Variants in LRRTM4 observed in about 807,000 individuals in gnomAD.
The protein encoded by LRRTM4 is leucine-rich repeat transmembrane neuronal protein 4.
Under a neutral mutation model 47.6 loss-of-function variants are expected in LRRTM4, and 25 were observed. The ratio of observed to expected loss-of-function variants is 0.53; its 90% CI spans 0.38 to 0.73. The LOEUF is 0.73. Ranked by LOEUF, LRRTM4 falls within the 30% of genes least tolerant of loss-of-function variation. The pLI, the probability that LRRTM4 is intolerant of heterozygous loss-of-function variation, is 0.00. For synonymous variants in LRRTM4, 311 were observed against 269.5 expected (o/e 1.15, Z -1.51); for missense variants, 638 against 713.4 (o/e 0.89, Z 1.20).
At chr2:76,952,170 G>A (rs1282877978) in intron 3 of LRRTM4, among the ~76,000 whole-genome samples, 1 of 151,830 alleles carries the variant, frequency 6.6e-6, no homozygotes, top group Non-Finnish European at 1.5e-5. Flanking sequence ...GGTTTTCTAG[G>A]TATAGGATCA....
chr2:77,185,076 C>T (rs192861133), intron 3 of LRRTM4, among the ~76,000 whole-genome samples: 1 of 152,260 alleles, frequency 6.6e-6, no homozygotes, highest in East Asian at 1.9e-4. Flanking sequence ...CTTTACCCAT[C>T]ACCATCACTC....
intron 3 of LRRTM4, among the ~76,000 whole-genome samples, chr2:77,357,284 A>C (rs1411052203): frequency 1.3e-5 from 2 of 152,184 alleles, no homozygotes; most frequent in African/African-American, 4.8e-5. Flanking sequence ...GTCTTACAAA[A>C]AGATGTCATT....
At chr2:76,750,665 A>T in intron 3 of LRRTM4, among the ~76,000 whole-genome samples, 1 of 152,150 alleles carries the variant, frequency 6.6e-6, no homozygotes, top group East Asian at 1.9e-4. Flanking sequence ...TCTTAAATAT[A>T]ATTCAGCAAA....
chr2:77,339,732 G>A (rs1463092197), intron 3 of LRRTM4, among the ~76,000 whole-genome samples: 4 of 151,958 alleles, frequency 2.6e-5, no homozygotes, highest in Admixed American at 2.6e-4. Context: ...AAGATGGAAG[G>A]TAAGAGGAAG....
chr2:76,766,701 C>G (rs1673470009), intron 3 of LRRTM4, among the ~76,000 whole-genome samples: 1 of 152,166 alleles, frequency 6.6e-6, no homozygotes, highest in Non-Finnish European at 1.5e-5. Context: ...TAACTGGTTT[C>G]TGCTACAGCA....
chr2:77,499,914 A>G (rs1301963322), intron 3 of LRRTM4, among the ~76,000 whole-genome samples: 1 of 151,762 alleles, frequency 6.6e-6, no homozygotes, highest in African/African-American at 2.4e-5. Flanking sequence ...CTTAAAGTAT[A>G]TGGTTACTTT....
At chr2:76,864,162 A>G (rs1434892681) in intron 3 of LRRTM4, among the ~76,000 whole-genome samples, 1 of 150,166 alleles carries the variant, frequency 6.7e-6, no homozygotes, top group East Asian at 2.1e-4. Context: ...ATGTGACCAT[A>G]TGGAACAAGA....
At chr2:77,005,615 C>T (rs1046819923) in intron 3 of LRRTM4, among the ~76,000 whole-genome samples, 5 of 152,132 alleles carry the variant, frequency 3.3e-5, no homozygotes, top group African/African-American at 9.7e-5. Context: ...TTTTCTTGTG[C>T]TTTTGTCATG....
chr2:76,990,590 G>A, intron 3 of LRRTM4, among the ~76,000 whole-genome samples: 1 of 151,766 alleles, frequency 6.6e-6, no homozygotes. Flanking sequence ...AATTTAACAA[G>A]AAGACTTAAC....
intron 3 of LRRTM4, among the ~76,000 whole-genome samples, chr2:77,282,420 C>A (rs994334672): frequency 6.6e-6 from 1 of 151,496 alleles, no homozygotes; most frequent in Non-Finnish European, 1.5e-5. Flanking sequence ...CCCATTTGGA[C>A]GCCTTTTATT....
rs945653183 is a variant in LRRTM4, at chr2:77,079,229, T to G, written c.1552-330313A>C. On this transcript the variant is annotated intron_variant, in intron 3 of 3. Coordinates refer to ENST00000409884, the MANE Select transcript of LRRTM4 (RefSeq NM_001134745.3). Reference sequence around the variant, plus strand: ...CTTTATGACTATTTAACATTTCAACTTTTTTTATGGAGTTAAAGCTAAGGG... The same window carrying G: ...CTTTATGACTATTTAACATTTCAACGTTTTTTATGGAGTTAAAGCTAAGGG... Among the ~76,000 whole-genome samples, 3 of 152,182 alleles carry G rather than the reference T, an allele frequency of 2.0e-5. No individual in the cohort carries two copies. The East Asian group carries it at 5.8e-4, about 29-fold the overall frequency.
chr2:77,055,261 C>G (rs1241738787), intron 3 of LRRTM4, among the ~76,000 whole-genome samples: 2 of 152,204 alleles, frequency 1.3e-5, no homozygotes, highest in Admixed American at 1.3e-4. Flanking sequence ...GAAACATCCT[C>G]TTCTCTGTGA....
Position 76,770,496 on chromosome 2 carries a change from T to C in LRRTM4, c.1552-21580A>G, listed in dbSNP as rs906837065. 6.6e-5 allele frequency among the ~76,000 whole-genome samples: 10 copies of C among 152,304 alleles called. No individual in the cohort carries two copies. The East Asian group carries it at 1.9e-3, about 29-fold the overall frequency. On this transcript the variant is annotated intron_variant, in intron 3 of 3. Transcript: ENST00000409884. Reference sequence around the variant, plus strand: ...TACCTATGTAACCCCCAGCCACCTATATCTGCAACACAGTTGATATCAAAT... The same window carrying C: ...TACCTATGTAACCCCCAGCCACCTACATCTGCAACACAGTTGATATCAAAT...
At chr2:76,953,347 G>A (rs971576233) in intron 3 of LRRTM4, among the ~76,000 whole-genome samples, 1 of 151,804 alleles carries the variant, frequency 6.6e-6, no homozygotes, top group African/African-American at 2.4e-5. Flanking sequence ...GTCAGGAAGT[G>A]GCAGTACTCC....
rs577057742 is a variant in LRRTM4, at chr2:77,137,427, G to C, written c.1551+380891C>G. Among the ~76,000 whole-genome samples the C allele has an allele frequency of 1.1e-4, 16 of 151,814 alleles. 2 individuals carry two copies. Among genetic ancestry groups the C allele is most frequent in the African/African-American group, 3.1e-4 (13 of 41,310 alleles). The stretch of plus-strand genomic sequence containing the variant: ...TCCTTTACAGAAGAGCAAATGCTGA[G>C]AGATTTTGTCACCACCAGGCCTGCC... On this transcript the variant is annotated intron_variant, in intron 3 of 3. Transcript: ENST00000409884.
chr2:77,086,223 T>C (rs73940296), intron 3 of LRRTM4, among the ~76,000 whole-genome samples: 1 of 151,880 alleles, frequency 6.6e-6, no homozygotes, highest in Non-Finnish European at 1.5e-5. Flanking sequence ...AAGTAGAAAC[T>C]GTTATGTTTA....
intron 3 of LRRTM4, among the ~76,000 whole-genome samples, chr2:77,321,805 G>A (rs1677801212): frequency 6.6e-6 from 1 of 152,018 alleles, no homozygotes; most frequent in South Asian, 2.1e-4. Flanking sequence ...CAAAAATATG[G>A]CAAGGTATTA....
intron 3 of LRRTM4, among the ~76,000 whole-genome samples, chr2:77,172,152 T>C (rs1215934537): frequency 2.0e-5 from 3 of 152,172 alleles, no homozygotes; most frequent in Admixed American, 6.6e-5. Context: ...AAATAAGCCA[T>C]AAATATAAGA....
Position 76,854,333 on chromosome 2 carries a change from G to A in LRRTM4, c.1552-105417C>T, listed in dbSNP as rs922445376. Among the ~76,000 whole-genome samples, 53 of 152,100 alleles carry A rather than the reference G, an allele frequency of 3.5e-4. 1 individual carries two copies. Among genetic ancestry groups the A allele is most frequent in the Non-Finnish European group, 1.8e-4 (12 of 68,006 alleles). ...TGTCTGATAATACAGATAGTATGCT[G>A]AGAATCTGCTTTTACTTTTCCCTCA... On this transcript the variant is annotated intron_variant, in intron 3 of 3. Coordinates refer to ENST00000409884, the MANE Select transcript of LRRTM4 (RefSeq NM_001134745.3).
Sources: allele counts gnomAD v4.1 joint callset (sites outside exome capture counted in the v4.1 genomes callset), GRCh38; gene constraint gnomAD v4.1.1; transcripts MANE v1.5; gene names NCBI Gene and HGNC (gene_info 2026-07-23, HGNC 2026-07-21).